LRRIQ1: variants seen among roughly 807,000 people sequenced by gnomAD.
LRRIQ1 encodes leucine rich repeats and IQ motif containing 1, also known as leucine-rich repeat- and IQ domain-containing protein 1.
Under a neutral mutation model 211.9 loss-of-function variants are expected in LRRIQ1, and 210 were observed. The observed-to-expected ratio is 0.99, with a 90% CI of 0.89 to 1.11. The LOEUF is 1.11. Among genes scored for constraint, LRRIQ1 ranks in the 50% most tolerant of loss-of-function variants. The pLI is 0.00. For synonymous variants in LRRIQ1, 699 were observed against 650.1 expected (o/e 1.08, Z -1.14); for missense variants, 2,136 against 1,939.5 (o/e 1.10, Z -1.90).
intron 24 of LRRIQ1, among the ~76,000 whole-genome samples, chr12:85,226,254 C>T (rs1186150538): frequency 6.6e-6 from 1 of 152,118 alleles, no homozygotes; most frequent in African/African-American, 2.4e-5. Context: ...GAGATTATTT[C>T]TGTTTTAACT....
intron 24 of LRRIQ1, among the ~76,000 whole-genome samples, chr12:85,186,507 G>C (rs565262209): frequency 1.3e-5 from 2 of 152,066 alleles, no homozygotes; most frequent in Non-Finnish European, 2.9e-5. Flanking sequence ...AGCCAGGAAG[G>C]TTGGTCTGCC....
In LRRIQ1 at chr12:85,262,979, AC is replaced by A. The variant is rs1487477553; in HGVS notation, c.187del (p.Arg63ValfsTer29). On this transcript the variant is annotated frameshift_variant, in exon 2 of 2. Coordinates refer to the LRRIQ1 transcript ENST00000602731. LOFTEE classifies it high-confidence loss of function. ...CAAATACAAGACCTTCTAAAAAAGA[AC>A]GTATATCATTCCGAGACAATCCTGT... 1.0e-6 allele frequency: 1 copy of A among 987,600 alleles called. No individual in the cohort carries two copies. Among genetic ancestry groups the A allele is most frequent in the African/African-American group, 1.7e-5 (1 of 57,308 alleles). The allele number at this position is 987,600 out of a possible 1,614,324, so 61.2% of individuals were successfully genotyped here.
At chr12:85,206,412 G>A (rs1051391912) in intron 24 of LRRIQ1, among the ~76,000 whole-genome samples, 2 of 152,180 alleles carry the variant, frequency 1.3e-5, no homozygotes, top group East Asian at 3.9e-4. Context: ...GGCCACTGGT[G>A]TCTGTGTTTG....
At chr12:85,241,678 G>A (rs2137257907) in intron 26 of LRRIQ1, among the ~76,000 whole-genome samples, 1 of 152,018 alleles carries the variant, frequency 6.6e-6, no homozygotes, top group East Asian at 1.9e-4. Context: ...AAACAAAGTA[G>A]CATGTAAGGG....
intron 19 of LRRIQ1, among the ~76,000 whole-genome samples, chr12:85,140,526 C>G (rs1377310239): frequency 6.6e-6 from 1 of 151,404 alleles, no homozygotes; most frequent in East Asian, 1.9e-4. Flanking sequence ...TATACACAAT[C>G]ATATCACCTG....
chr12:85,098,082 A>C (rs1194806753), intron 11 of LRRIQ1, among the ~76,000 whole-genome samples: 1 of 152,152 alleles, frequency 6.6e-6, no homozygotes, highest in Non-Finnish European at 1.5e-5. Context: ...TTGAATATAA[A>C]GCATTCATTC....
At chr12:85,127,664 T>TAA (rs756767714) in intron 17 of LRRIQ1, among the ~76,000 whole-genome samples, 168 bp from the exon 18 acceptor site, 3 of 152,214 alleles carry the variant, frequency 2.0e-5, no homozygotes, top group Non-Finnish European at 4.4e-5. Flanking sequence ...AAGGTTTTCT[T>TAA]ACTATTTTTA....
At position 85,098,474 on chromosome 12, in the gene LRRIQ1, C is replaced by T; in HGVS notation, c.3007C>T (p.Leu1003Phe). ...ATACCTAGATTGCTCCCATAATCAT[C>T]TTACTGATGTAGAGGGCGTTGAAAA... The part of the protein sequence containing the change: ...IVYLDCSHNH[L>F]TDVEGVENCG... The change falls in exon 12 of 27, where the codon CTT (leucine) becomes TTT (phenylalanine). Residue 1003 changes from leucine to phenylalanine, a missense_variant. Coordinates refer to ENST00000393217, the MANE Select transcript of LRRIQ1 (RefSeq NM_001079910.2). The T allele has an allele frequency of 6.2e-7, 1 of 1,612,126 alleles. No individual in the cohort carries two copies. The highest frequency in any genetic ancestry group is 1.3e-5 in the African/African-American group (1 of 74,954).
At chr12:85,236,321 A>G (rs898395032) in intron 26 of LRRIQ1, among the ~76,000 whole-genome samples, 3 of 152,194 alleles carry the variant, frequency 2.0e-5, no homozygotes, top group East Asian at 1.9e-4. Context: ...GTTAACAGGT[A>G]TATGACTGCT....
At chr12:85,176,573 C>T (rs1891711497) in intron 24 of LRRIQ1, among the ~76,000 whole-genome samples, 1 of 124,498 alleles carries the variant, frequency 8.0e-6, no homozygotes, top group Non-Finnish European at 1.6e-5. Flanking sequence ...AGGGGAATAT[C>T]ACACTCTCGG....
At chr12:85,179,627 T>C (rs7969025) in intron 24 of LRRIQ1, among the ~76,000 whole-genome samples, 36,566 of 151,832 alleles carry the variant, frequency 0.24, 5,011 homozygotes, top group African/African-American at 0.35. Context: ...AATAGTTCAG[T>C]ATATCCCCAA....
At chr12:85,122,384 A>T (rs1222704876) in intron 16 of LRRIQ1, among the ~76,000 whole-genome samples, 1 of 152,170 alleles carries the variant, frequency 6.6e-6, no homozygotes, top group Non-Finnish European at 1.5e-5. Flanking sequence ...ACCCATTTAG[A>T]CTACAGAAGT....
intron 23 of LRRIQ1, among the ~76,000 whole-genome samples, chr12:85,155,942 A>T (rs1391741483): frequency 6.6e-6 from 1 of 151,718 alleles, no homozygotes; most frequent in Non-Finnish European, 1.5e-5. Context: ...CCACGACTAG[A>T]GATAATTATC....
At chr12:85,151,946 A>G (rs1002020599) in intron 19 of LRRIQ1, among the ~76,000 whole-genome samples, 4 of 151,628 alleles carry the variant, frequency 2.6e-5, no homozygotes, top group Admixed American at 6.6e-5. Flanking sequence ...TGTAAGAGCT[A>G]AAAAAATGAC....
chr12:85,174,723 A>T (rs1383557288), intron 24 of LRRIQ1, among the ~76,000 whole-genome samples: 2 of 148,370 alleles, frequency 1.3e-5, no homozygotes, highest in Non-Finnish European at 3.0e-5. Context: ...AAAAAAAAAA[A>T]TCTGAGATCC....
chr12:85,251,742 C>T (rs7958612), intron 1 of LRRIQ1, among the ~76,000 whole-genome samples: 33,886 of 148,612 alleles, frequency 0.23, 9,971 homozygotes, highest in African/African-American at 0.69. Context: ...ATTAGAAAGA[C>T]ATATATGTGT....
At chr12:85,200,495 G>A (rs985176626) in intron 24 of LRRIQ1, among the ~76,000 whole-genome samples, 5 of 152,108 alleles carry the variant, frequency 3.3e-5, no homozygotes, top group African/African-American at 1.2e-4. Context: ...CCAGTACTAT[G>A]TTAAATAGGA....
At chr12:85,133,444 A>C (rs1888911317) in intron 18 of LRRIQ1, among the ~76,000 whole-genome samples, 1 of 152,184 alleles carries the variant, frequency 6.6e-6, no homozygotes, top group African/African-American at 2.4e-5. Context: ...AACCTGACAC[A>C]TAAGCAATAG....
intron 15 of LRRIQ1, among the ~76,000 whole-genome samples, chr12:85,108,114 T>C (rs1379694736): frequency 1.3e-5 from 2 of 152,166 alleles, no homozygotes; most frequent in Non-Finnish European, 2.9e-5. Flanking sequence ...CATTTTGAAT[T>C]TTATATTCCC....
Sources: gnomAD v4.1 joint callset for allele counts (sites outside exome capture counted in the v4.1 genomes callset) on GRCh38, gnomAD v4.1.1 for gene constraint, MANE v1.5 for transcripts, NCBI Gene and HGNC (gene_info 2026-07-23, HGNC 2026-07-21) for gene names.